SPTBN1: variants seen among roughly 807,000 people sequenced by gnomAD.
The protein encoded by SPTBN1 is spectrin beta chain, non-erythrocytic 1.
SPTBN1 carries 32 observed loss-of-function variants against 266.4 expected under a neutral mutation model. That is an observed-to-expected ratio of 0.12 (90% CI 0.09 to 0.16). The LOEUF (loss-of-function observed/expected upper bound fraction) is 0.16, where lower values mean the gene tolerates loss of function less well. SPTBN1 is among the 10% of genes least tolerant of loss of function. The pLI, the probability that SPTBN1 is intolerant of heterozygous loss-of-function variation, is 1.00. For synonymous variants in SPTBN1, 1,336 were observed against 1,162.2 expected (o/e 1.15, Z -3.04); for missense variants, 2,296 against 3,067.1 (o/e 0.75, Z 5.94).
rs554527607 is a variant in SPTBN1, at chr2:54,534,728, C to G, written c.148+8162C>G. Among the ~76,000 whole-genome samples, 3 of 152,342 alleles carry G rather than the reference C, an allele frequency of 2.0e-5. No individual in the cohort carries two copies. In the East Asian group the frequency reaches 5.8e-4, roughly 29 times the overall value. The stretch of plus-strand genomic sequence containing the variant: ...CTTCTCCTGTTCTACCTCAGACTCT[C>G]TTCTCACCTCAGCAATGGCTGAAAT... On this transcript the variant is annotated intron_variant, in intron 2 of 35. Transcript: ENST00000356805.
At chr2:54,493,152 C>T (rs1359063219) in intron 1 of SPTBN1, among the ~76,000 whole-genome samples, 3 of 151,596 alleles carry the variant, frequency 2.0e-5, no homozygotes, top group Non-Finnish European at 4.4e-5. Context: ...ACCACAGGCA[C>T]ACACCACCAT....
At chr2:54,589,409 C>T (rs530653406) in intron 2 of SPTBN1, among the ~76,000 whole-genome samples, 1 of 152,262 alleles carries the variant, frequency 6.6e-6, no homozygotes, top group South Asian at 2.1e-4. Flanking sequence ...TTGTGCCGCT[C>T]AGAAGAAAGG....
rs1673084421 is a variant in SPTBN1 at position 54,558,997 on chromosome 2, C to T, written c.148+32431C>T. The T allele has an allele frequency of 2.3e-6, 3 of 1,314,574 alleles. No individual in the cohort carries two copies. The highest frequency in any genetic ancestry group is 3.1e-5 in the South Asian group (2 of 65,076). The allele number at this position is 1,314,574 out of a possible 1,614,324, so 81.4% of individuals were successfully genotyped here. Reference sequence around the variant, plus strand: ...GCGGCTTCACAGCTCGGCCCCAGACCCTGTGGTTGGCTGCGGGCACCCCAT... The same window carrying T: ...GCGGCTTCACAGCTCGGCCCCAGACTCTGTGGTTGGCTGCGGGCACCCCAT... On this transcript the variant is annotated intron_variant, in intron 2 of 35. Coordinates refer to ENST00000356805, the MANE Select transcript of SPTBN1 (RefSeq NM_003128.3). This position sits in a 1 kb window ranked among gnomAD's most constrained non-coding sequence, Gnocchi z 4.6.
In SPTBN1 at chr2:54,670,168, C is replaced by A. The variant is rs1239488229; in HGVS notation, c.*1599C>A. 6.7e-6 allele frequency: 1 copy of A among 149,358 alleles called. No homozygotes were observed. The highest frequency in any genetic ancestry group is 2.5e-5 in the African/African-American group (1 of 40,454). 9.3% of individuals were successfully genotyped at this position (149,358 alleles called of 1,614,324 possible). ...AATATTTTGATTTTCTTAATGATTT[C>A]AAAATGTAAAGTCTATTTTATACAG... On this transcript the variant is annotated 3_prime_UTR_variant, in exon 36 of 36. Coordinates refer to ENST00000356805, the MANE Select transcript of SPTBN1 (RefSeq NM_003128.3).
chr2:54,596,729 GT>G (rs1676117920), intron 2 of SPTBN1, among the ~76,000 whole-genome samples: 4 of 152,114 alleles, frequency 2.6e-5, no homozygotes, highest in African/African-American at 7.2e-5. Flanking sequence ...CCTACTTTGA[GT>G]TTCTAAGAAC....
intron 2 of SPTBN1, among the ~76,000 whole-genome samples, chr2:54,573,257 A>C (rs894298152): frequency 3.3e-5 from 5 of 152,176 alleles, no homozygotes; most frequent in Non-Finnish European, 7.3e-5. Flanking sequence ...GTTTTGTAGA[A>C]GACAATTTTT....
intron 27 of SPTBN1, among the ~76,000 whole-genome samples, 166 bp downstream of exon 27, chr2:54,654,019 C>G (rs1327238742): frequency 6.6e-6 from 1 of 152,128 alleles, no homozygotes; most frequent in Non-Finnish European, 1.5e-5. Flanking sequence ...TTGCCTCGTG[C>G]ACTTGGCTCG....
At chr2:54,632,839 A>G (rs2103952503) in intron 17 of SPTBN1, 71 bp downstream of exon 17, 1 of 1,544,788 alleles carries the variant, frequency 6.5e-7, no homozygotes, top group East Asian at 2.3e-5. Context: ...CATTGGCCAG[A>G]AGCCCTTGGG....
At chr2:54,631,692 G>A (rs1437387739) in intron 16 of SPTBN1, 81 bp downstream of exon 16, 1 of 1,512,310 alleles carries the variant, frequency 6.6e-7, no homozygotes, top group East Asian at 2.3e-5. Context: ...TGGGGCAGCT[G>A]GTTTAAACCA....
intron 2 of SPTBN1, among the ~76,000 whole-genome samples, chr2:54,582,881 A>C (rs1279937766): frequency 6.6e-6 from 1 of 152,130 alleles, no homozygotes; most frequent in African/African-American, 2.4e-5. Context: ...TCTAGGCTTG[A>C]ATTTGCTCTT....
chr2:54,640,030 C>G (rs1679422995), intron 18 of SPTBN1, among the ~76,000 whole-genome samples: 1 of 152,100 alleles, frequency 6.6e-6, no homozygotes, highest in Non-Finnish European at 1.5e-5. Context: ...CATGTATAGT[C>G]TCTGCATGGT....
intron 7 of SPTBN1, among the ~76,000 whole-genome samples, chr2:54,618,996 C>T (rs1371768549): frequency 1.3e-5 from 2 of 152,120 alleles, no homozygotes; most frequent in Admixed American, 6.5e-5. Flanking sequence ...CTCATAGGAA[C>T]TTTTTCTAAT....
intron 2 of SPTBN1, among the ~76,000 whole-genome samples, chr2:54,565,210 A>T (rs551201766): frequency 2.0e-5 from 3 of 152,314 alleles, no homozygotes; most frequent in Non-Finnish European, 4.4e-5. Flanking sequence ...CATTTGTACA[A>T]TCTTTGCAAA....
Position 54,554,437 on chromosome 2 carries a change from G to A in SPTBN1, c.148+27871G>A, listed in dbSNP as rs140420186. On this transcript the variant is annotated intron_variant, in intron 2 of 35. Transcript: ENST00000356805. This position sits in a 1 kb window ranked among gnomAD's most constrained non-coding sequence, Gnocchi z 4.5. The stretch of plus-strand genomic sequence containing the variant: ...GTGGAAGCATTCTGTAAGCTACCAA[G>A]TGTGATGGTTCTGGTTATTACGGCC... Among the ~76,000 whole-genome samples, 18 of 152,352 alleles carry A rather than the reference G, an allele frequency of 1.2e-4. No homozygotes were observed. The East Asian group carries it at 3.3e-3, about 28-fold the overall frequency.
intron 1 of SPTBN1, among the ~76,000 whole-genome samples, chr2:54,497,107 G>A (rs893423199): frequency 6.6e-6 from 1 of 152,148 alleles, no homozygotes; most frequent in Non-Finnish European, 1.5e-5. Flanking sequence ...TCTGGCTGTT[G>A]GTCTGGGGCC....
intron 19 of SPTBN1, among the ~76,000 whole-genome samples, chr2:54,643,425 C>T (rs1679709799): frequency 6.6e-6 from 1 of 152,198 alleles, no homozygotes; most frequent in Non-Finnish European, 1.5e-5. Context: ...TGTGAGCTCT[C>T]ATGCAGGGAT....
At chr2:54,467,318 A>G (rs1693686589) in intron 1 of SPTBN1, among the ~76,000 whole-genome samples, 1 of 152,072 alleles carries the variant, frequency 6.6e-6, no homozygotes, top group Non-Finnish European at 1.5e-5. Flanking sequence ...CTTCCTTAAA[A>G]CAATGTTATT....
intron 3 of SPTBN1, among the ~76,000 whole-genome samples, chr2:54,605,340 C>T (rs141732158): frequency 3.3e-4 from 51 of 152,278 alleles, no homozygotes; most frequent in Middle Eastern, 6.8e-3. Flanking sequence ...GTAAAGAGGA[C>T]GAGCTTTAAG....
chr2:54,576,876 G>A (rs1370615104), intron 2 of SPTBN1, among the ~76,000 whole-genome samples: 1 of 152,170 alleles, frequency 6.6e-6, no homozygotes, highest in Non-Finnish European at 1.5e-5. Context: ...ATCATTCCTT[G>A]GTCCTGGGAT....
Sources: gnomAD v4.1 joint callset for allele counts (sites outside exome capture counted in the v4.1 genomes callset) on GRCh38, gnomAD v4.1.1 for gene constraint, Gnocchi (gnomAD v3.1) non-coding constraint, MANE v1.5 for transcripts, NCBI Gene and HGNC (gene_info 2026-07-23, HGNC 2026-07-21) for gene names.